Variants in FGD4 observed in about 807,000 individuals in gnomAD.
FGD4 encodes FYVE, RhoGEF and PH domain containing 4, also known as FYVE, RhoGEF and PH domain-containing protein 4.
Under a neutral mutation model 102.0 loss-of-function variants are expected in FGD4, and 42 were observed. The ratio of observed to expected loss-of-function variants is 0.41; its 90% CI spans 0.32 to 0.53. The LOEUF is 0.53. Ranked by LOEUF, FGD4 falls within the 20% of genes least tolerant of loss-of-function variation. The pLI is 0.21. For synonymous variants in FGD4, 380 were observed against 375.7 expected, an observed-to-expected ratio of 1.01 and a Z score of -0.13; for missense variants, 902 against 1,078.2, an observed-to-expected ratio of 0.84 and a Z score of 2.29.
intron 1 of FGD4, among the ~76,000 whole-genome samples, chr12:32,467,849 C>T (rs965926575): frequency 3.3e-5 from 5 of 151,984 alleles, no homozygotes; most frequent in Non-Finnish European, 7.4e-5. Context: ...AACCCTGTCT[C>T]TACTAAAAAT....
intron 1 of FGD4, among the ~76,000 whole-genome samples, chr12:32,557,450 T>C (rs1415434121): frequency 6.6e-6 from 1 of 152,226 alleles, no homozygotes; most frequent in Non-Finnish European, 1.5e-5. Context: ...TTTAATAATG[T>C]CTTGGAGACC....
intron 12 of FGD4, 91 bp downstream of exon 12, chr12:32,624,543 GT>G: frequency 9.4e-7 from 1 of 1,069,190 alleles, no homozygotes. Flanking sequence ...GTGTGATCAT[GT>G]CTCACTGCAG....
At chr12:32,570,173 G>A (rs1365647260) in intron 2 of FGD4, among the ~76,000 whole-genome samples, 1 of 150,374 alleles carries the variant, frequency 6.7e-6, no homozygotes, top group Non-Finnish European at 1.5e-5. Flanking sequence ...CCCAGGAGGT[G>A]GAGGTTGCAG....
chr12:32,573,382 G>GTAT (rs1945846779), intron 2 of FGD4, among the ~76,000 whole-genome samples: 2 of 152,070 alleles, frequency 1.3e-5, no homozygotes, highest in African/African-American at 4.8e-5. Flanking sequence ...GGCGTGAGCC[G>GTAT]CCGCCCCTGG....
At chr12:32,534,282 G>T (rs1942046307) in intron 1 of FGD4, 1 of 1,310,874 alleles carries the variant, frequency 7.6e-7, no homozygotes, top group African/African-American at 1.5e-5. Flanking sequence ...TTTGCATAAG[G>T]TCGTCCTTGG....
chr12:32,624,322 A>C (rs1950020739), intron 11 of FGD4, 100 bp from the exon 12 acceptor site: 2 of 944,218 alleles, frequency 2.1e-6, no homozygotes, highest in Non-Finnish European at 3.3e-6. Flanking sequence ...AACATCCCTG[A>C]ATTTTCCAGA....
chr12:32,450,122 G>A (rs914676193), intron 1 of FGD4, among the ~76,000 whole-genome samples: 1 of 151,852 alleles, frequency 6.6e-6, no homozygotes, highest in African/African-American at 2.4e-5. Flanking sequence ...TAGTAGTGAC[G>A]GGGTTTCACC....
rs770403661 is a variant in FGD4 at position 32,624,486 on chromosome 12, T to C, written c.1953+34T>C. 3 of 1,564,152 alleles carry C rather than the reference T, an allele frequency of 1.9e-6. No individual in the cohort carries two copies. The East Asian group carries it at 6.8e-5, about 35-fold the overall frequency. On this transcript the variant is annotated intron_variant, in intron 12 of 16. Coordinates refer to ENST00000534526, the MANE Select transcript of FGD4 (RefSeq NM_001370298.3). The stretch of plus-strand genomic sequence containing the variant: ...CATTTCTGTTTCCTTTTCTTTCTTT[T>C]TTTTTTTGAGGCAGAGTCTCACTCT...
intron 1 of FGD4, among the ~76,000 whole-genome samples, chr12:32,432,190 G>T (rs957479471): frequency 6.6e-6 from 1 of 151,244 alleles, no homozygotes; most frequent in Non-Finnish European, 1.5e-5. Context: ...CTCCCCAGCA[G>T]CTGGGACTAC....
chr12:32,585,683 A>C (rs887225344), intron 4 of FGD4, among the ~76,000 whole-genome samples: 1 of 151,758 alleles, frequency 6.6e-6, no homozygotes, highest in Non-Finnish European at 1.5e-5. Context: ...AAAATTTAAA[A>C]GTTCGCTGGG....
At chr12:32,556,449 A>G (rs542615499) in intron 1 of FGD4, among the ~76,000 whole-genome samples, 3 of 151,580 alleles carry the variant, frequency 2.0e-5, no homozygotes, top group South Asian at 4.2e-4. Context: ...CCTTCATTCC[A>G]TTTTCTGTTT....
chr12:32,520,157 G>A (rs1180617474), intron 1 of FGD4, among the ~76,000 whole-genome samples: 1 of 152,088 alleles, frequency 6.6e-6, no homozygotes, highest in Non-Finnish European at 1.5e-5. Flanking sequence ...TTCCCTTTAG[G>A]ACGATGAATC....
At chr12:32,617,132 A>G (rs927344883) in intron 10 of FGD4, among the ~76,000 whole-genome samples, 1 of 152,232 alleles carries the variant, frequency 6.6e-6, no homozygotes, top group Non-Finnish European at 1.5e-5. Context: ...ACACTTCTGC[A>G]TTAGGGATTA....
At chr12:32,622,285 G>A (rs1226096291) in intron 11 of FGD4, among the ~76,000 whole-genome samples, 1 of 152,200 alleles carries the variant, frequency 6.6e-6, no homozygotes, top group African/African-American at 2.4e-5. Context: ...CCCAAGACAC[G>A]TGTCTAACTA....
chr12:32,619,348 G>T (rs552802937), intron 10 of FGD4, among the ~76,000 whole-genome samples: 1 of 152,102 alleles, frequency 6.6e-6, no homozygotes, highest in Non-Finnish European at 1.5e-5. Context: ...TCTGTTTCCA[G>T]CCGGGTGCGG....
chr12:32,577,580 A>G (rs1215225429), intron 3 of FGD4, among the ~76,000 whole-genome samples: 2 of 152,194 alleles, frequency 1.3e-5, no homozygotes, highest in Non-Finnish European at 2.9e-5. Context: ...TTACAAAGTT[A>G]CAAGTTCTGG....
intron 3 of FGD4, among the ~76,000 whole-genome samples, chr12:32,579,303 C>T (rs1946403840): frequency 6.6e-6 from 1 of 152,086 alleles, no homozygotes; most frequent in South Asian, 2.1e-4. Context: ...CTTGGCCTCC[C>T]AAAGTGCTGG....
chr12:32,625,085 TCTTAA>T lies in FGD4; in HGVS notation c.2046+21_2046+25del, dbSNP rs761056669. 2.5e-6 allele frequency: 4 copies of T among 1,595,000 alleles called. No homozygotes were observed. The highest frequency in any genetic ancestry group is 8.6e-7 in the Non-Finnish European group (1 of 1,163,818). Reference sequence around the variant, plus strand: ...GAGGTTTCTGTGAGTTGAATTAAATTCTTAACTTCAACCTCTTTCATATCTTTGCA... The same window carrying T: ...GAGGTTTCTGTGAGTTGAATTAAATTCTTCAACCTCTTTCATATCTTTGCA... On this transcript the variant is annotated intron_variant, in intron 13 of 16. Transcript: ENST00000534526.
At position 32,625,269 on chromosome 12, in the gene FGD4, C is replaced by CTT. The variant is rs374139685; in HGVS notation, c.2046+220_2046+221dup. Reference sequence around the variant, plus strand: ...TGAACTTCTTTGAATTTTTCTTATTCTTTTTTTTTTTTTTTTTTTTAACAG... The same window carrying CTT: ...TGAACTTCTTTGAATTTTTCTTATTCTTTTTTTTTTTTTTTTTTTTTTAACAG... On this transcript the variant is annotated intron_variant, in intron 13 of 16. Coordinates refer to ENST00000534526, the MANE Select transcript of FGD4 (RefSeq NM_001370298.3). 3.5e-3 allele frequency among the ~76,000 whole-genome samples: 416 copies of CTT among 119,874 alleles called. 3 individuals carry two copies. Among genetic ancestry groups the CTT allele is most frequent in the African/African-American group, 5.0e-3 (157 of 31,260 alleles). 78.6% of individuals were successfully genotyped at this position (119,874 alleles called of 152,430 possible).
Sources: allele counts gnomAD v4.1 joint callset (sites outside exome capture counted in the v4.1 genomes callset), GRCh38; gene constraint gnomAD v4.1.1; transcripts MANE v1.5; gene names NCBI Gene and HGNC (gene_info 2026-07-23, HGNC 2026-07-21).